The following ITGA1 variants were observed in gnomAD, a reference collection of about 807,000 sequenced individuals.
ITGA1 encodes integrin subunit alpha 1.
ITGA1 carries 85 observed loss-of-function variants against 145.9 expected under a neutral mutation model. The ratio of observed to expected loss-of-function variants is 0.58; its 90% CI spans 0.49 to 0.70. The LOEUF (loss-of-function observed/expected upper bound fraction) is 0.70. ITGA1 is among the 30% of genes least tolerant of loss of function. The pLI is 0.00. For missense variants in ITGA1, 1,351 were observed against 1,418.7 expected (o/e 0.95, Z 0.77); for synonymous variants, 520 against 495.3 (o/e 1.05, Z -0.66).
Position 52,937,502 on chromosome 5 carries a change from G to C in ITGA1, c.3066G>C (p.Leu1022Phe), listed in dbSNP as rs765843175. The C allele has an allele frequency of 3.8e-6, 6 of 1,599,414 alleles. No individual in the cohort carries two copies. The African/African-American group carries it at 6.7e-5, about 18-fold the overall frequency. ...ACCCTGTGCTGTACCCAACTGGATT[G>C]TCATCTTCTGAGGTAAGTCATGTGT... ...NGYPVLYPTG[L>F]SSSENANCRP... Residue 1022 changes from leucine to phenylalanine, a missense_variant, in exon 24 of 29, where the codon TTG (leucine) becomes TTC (phenylalanine). Leu to Phe is a conservative substitution (Grantham distance 22, BLOSUM62 0). Transcript: ENST00000282588.
At chr5:52,901,781 GTATT>G (rs1193860984) in intron 11 of ITGA1, 3 of 152,144 alleles carry the variant, frequency 2.0e-5, no homozygotes, top group Non-Finnish European at 4.4e-5. Flanking sequence ...TCTGAGCACA[GTATT>G]TATAATATAT....
chr5:52,857,419 C>T (rs1250293864), intron 2 of ITGA1, among the ~76,000 whole-genome samples: 1 of 151,952 alleles, frequency 6.6e-6, no homozygotes, highest in Non-Finnish European at 1.5e-5. Context: ...TGCAGATTGC[C>T]TCCATGATAA....
chr5:52,868,943 A>G (rs1749732497), intron 6 of ITGA1, among the ~76,000 whole-genome samples: 1 of 152,192 alleles, frequency 6.6e-6, no homozygotes, highest in Admixed American at 6.5e-5. Context: ...TCCAAGCTCT[A>G]TGCTATAGCT....
At chr5:52,868,361 C>T (rs1177009243) in intron 6 of ITGA1, among the ~76,000 whole-genome samples, 2 of 152,122 alleles carry the variant, frequency 1.3e-5, no homozygotes, top group Non-Finnish European at 2.9e-5. Flanking sequence ...ATAATTACAG[C>T]TTCTGTGAAG....
At chr5:52,886,923 C>A (rs561939962) in intron 7 of ITGA1, among the ~76,000 whole-genome samples, 78 of 152,236 alleles carry the variant, frequency 5.1e-4, no homozygotes, top group African/African-American at 1.8e-3. Context: ...GGACTACAGG[C>A]GCCCGCCACC....
chr5:52,833,744 T>C (rs1003324044), intron 1 of ITGA1, among the ~76,000 whole-genome samples: 1 of 152,166 alleles, frequency 6.6e-6, no homozygotes, highest in Non-Finnish European at 1.5e-5. Context: ...CAAATTGAAG[T>C]TGTTCTGATA....
At chr5:52,949,667 A>C (rs1022129247) in intron 28 of ITGA1, among the ~76,000 whole-genome samples, 1 of 152,086 alleles carries the variant, frequency 6.6e-6, no homozygotes, top group Non-Finnish European at 1.5e-5. Flanking sequence ...GAGAGTCATG[A>C]ACTCTCTTAA....
At chr5:52,805,568 T>A (rs1748575632) in intron 1 of ITGA1, among the ~76,000 whole-genome samples, 2 of 151,878 alleles carry the variant, frequency 1.3e-5, no homozygotes, top group African/African-American at 4.8e-5. Flanking sequence ...ATTTCTTGAG[T>A]GGTGGGAGAG....
chr5:52,914,552 C>T (rs565203758), intron 14 of ITGA1, among the ~76,000 whole-genome samples: 1 of 150,854 alleles, frequency 6.6e-6, no homozygotes, highest in African/African-American at 2.4e-5. Context: ...AGGAGAATCA[C>T]TTGAACCTGG....
intron 28 of ITGA1, among the ~76,000 whole-genome samples, chr5:52,952,045 C>T (rs925654279): frequency 6.6e-6 from 1 of 151,952 alleles, no homozygotes. Flanking sequence ...CAAAAATTAG[C>T]TGGGCATGGT....
intron 20 of ITGA1, among the ~76,000 whole-genome samples, chr5:52,927,894 A>C (rs1750835787): frequency 6.6e-6 from 1 of 152,196 alleles, no homozygotes; most frequent in African/African-American, 2.4e-5. Flanking sequence ...TGAGGCCTTT[A>C]GGAGGTCAGT....
Position 52,957,430 on chromosome 5 carries a change from G to T in ITGA1, c.*4979G>T, listed in dbSNP as rs1751320453. 1 of 152,142 alleles carries T rather than the reference G, an allele frequency of 6.6e-6. No homozygotes were observed. The highest frequency in any genetic ancestry group is 2.4e-5 in the African/African-American group (1 of 41,432). The allele number at this position is 152,142 out of a possible 1,614,324, so 9.4% of individuals were successfully genotyped here. The stretch of plus-strand genomic sequence containing the variant: ...CATCACTCCTAACTTTGGACTCCTT[G>T]CTTTGAGATCGGTATTTTTTTCTCT... On this transcript the variant is annotated 3_prime_UTR_variant, in exon 29 of 29. Coordinates refer to ENST00000282588, the MANE Select transcript of ITGA1 (RefSeq NM_181501.2).
chr5:52,839,324 T>G (rs1767303698), intron 1 of ITGA1, among the ~76,000 whole-genome samples: 1 of 152,270 alleles, frequency 6.6e-6, no homozygotes, highest in Non-Finnish European at 1.5e-5. Context: ...ATATGTTTTT[T>G]GTTTTCATTC....
Position 52,910,206 on chromosome 5 carries a change from G to A in ITGA1, c.1644G>A (p.Thr548=), listed in dbSNP as rs758319956. 1.7e-5 allele frequency: 28 copies of A among 1,613,514 alleles called. No individual in the cohort carries two copies. Among genetic ancestry groups the A allele is most frequent in the African/African-American group, 5.3e-5 (4 of 74,894 alleles). ...TGAGCCTGGAACCTATTAAGCAGAC[G>A]TGCTGTTCATCTCGGCAGCACAATT... ...YQMSLEPIKQ[T]CCSSRQHNSC... Residue 548 remains threonine (T), a synonymous_variant, in exon 14 of 29, where the codon ACG becomes ACA. Coordinates refer to ENST00000282588, the MANE Select transcript of ITGA1 (RefSeq NM_181501.2).
In ITGA1 at chr5:52,922,831, G is replaced by A. The variant is rs150059220; in HGVS notation, c.2347G>A (p.Asp783Asn). The part of the protein sequence containing the change: ...VRITLDFNLT[D>N]PENGPVLDDS... ...AATAACGTTGGACTTTAATCTTACC[G>A]ATCCAGAAAATGGGCCTGTTCTTGA... is the stretch of plus-strand genomic sequence containing the variant. The change falls in exon 18 of 29, where the codon GAT (aspartate) becomes AAT (asparagine). Residue 783 changes from aspartate (D) to asparagine (N), a missense_variant. Asp to Asn is a conservative substitution (Grantham distance 23, BLOSUM62 1). Coordinates refer to ENST00000282588, the MANE Select transcript of ITGA1 (RefSeq NM_181501.2). 5.6e-5 allele frequency: 90 copies of A among 1,613,590 alleles called. No homozygotes were observed. The highest frequency in any genetic ancestry group is 1.2e-4 in the African/African-American group (9 of 75,026).
rs941781243 is a variant in ITGA1, at chr5:52,956,909, G to C, written c.*4458G>C. On this transcript the variant is annotated 3_prime_UTR_variant, in exon 29 of 29. Coordinates refer to ENST00000282588, the MANE Select transcript of ITGA1 (RefSeq NM_181501.2). ...GCTGATTCTAAACCATTCTCACACA[G>C]AATTTCTGAAACCAACACCAGGTAT... The C allele has an allele frequency of 1.4e-4, 21 of 152,152 alleles. No individual in the cohort carries two copies. Among genetic ancestry groups the C allele is most frequent in the African/African-American group, 4.8e-4 (20 of 41,434 alleles). 9.4% of individuals were successfully genotyped at this position (152,152 alleles called of 1,614,324 possible).
intron 6 of ITGA1, among the ~76,000 whole-genome samples, chr5:52,875,906 T>C (rs149581859): frequency 6.6e-6 from 1 of 152,184 alleles, no homozygotes; most frequent in African/African-American, 2.4e-5. Flanking sequence ...TCCTTTTTCC[T>C]CTCAATTTCT....
chr5:52,913,732 A>G (rs1246579878), intron 14 of ITGA1, among the ~76,000 whole-genome samples: 1 of 152,218 alleles, frequency 6.6e-6, no homozygotes, highest in Non-Finnish European at 1.5e-5. Flanking sequence ...TTCATTTTCT[A>G]TTTGAGTGTT....
chr5:52,844,940 C>T (rs1049388826), intron 1 of ITGA1, among the ~76,000 whole-genome samples: 10 of 152,144 alleles, frequency 6.6e-5, no homozygotes, highest in African/African-American at 2.4e-4. Context: ...TCCTTTAAAT[C>T]AAAAGAACTG....
Sources: allele counts gnomAD v4.1 joint callset (sites outside exome capture counted in the v4.1 genomes callset), GRCh38; gene constraint gnomAD v4.1.1; transcripts MANE v1.5; gene names NCBI Gene and HGNC (gene_info 2026-07-23, HGNC 2026-07-21).